Variants in MAPT observed in about 807,000 individuals in gnomAD.
The protein encoded by MAPT is microtubule-associated protein tau.
Under a neutral mutation model 67.9 loss-of-function variants are expected in MAPT, and 34 were observed. The ratio of observed to expected loss-of-function variants is 0.50; its 90% confidence interval spans 0.38 to 0.67. MAPT has a LOEUF of 0.67. MAPT is among the 30% of genes least tolerant of loss of function. The pLI, the probability that MAPT is intolerant of heterozygous loss-of-function variation, is 0.00. For synonymous variants in MAPT, 456 were observed against 464.5 expected, an observed-to-expected ratio of 0.98 and a Z score of 0.23; for missense variants, 881 against 1,115.2, an observed-to-expected ratio of 0.79 and a Z score of 2.99.
At chr17:45,975,161 C>T (rs1338344430) in intron 3 of MAPT, 2 of 152,304 alleles carry the variant, frequency 1.3e-5, no homozygotes, top group African/African-American at 4.8e-5. Flanking sequence ...GAGTCATTTC[C>T]TTCATGTCTT....
At position 45,989,782 on chromosome 17, in the gene MAPT, T is replaced by C. The variant is rs1420020837; in HGVS notation, c.1408-96T>C. The C allele has an allele frequency of 7.3e-6, 8 of 1,101,926 alleles. No individual in the cohort carries two copies. In the Admixed American group the frequency reaches 1.2e-4, roughly 16 times the overall value. The allele number at this position is 1,101,926 out of a possible 1,614,324, so 68.3% of individuals were successfully genotyped here. On this transcript the variant is annotated intron_variant, in intron 6 of 12. Coordinates refer to ENST00000262410, the MANE Select transcript of MAPT (RefSeq NM_001377265.1). ...GAGATCACTGCTTTCAACCATTACCTGCCTTATTTATTTTTAGTTACTGTC... is the reference window on the plus strand; with the variant it reads ...GAGATCACTGCTTTCAACCATTACCCGCCTTATTTATTTTTAGTTACTGTC...
chr17:46,015,900 G>A (rs1056390896), intron 11 of MAPT, among the ~76,000 whole-genome samples: 1 of 152,072 alleles, frequency 6.6e-6, no homozygotes, highest in Non-Finnish European at 1.5e-5. Flanking sequence ...AGAGGGAGGC[G>A]AGATGCTGGC....
intron 1 of MAPT, among the ~76,000 whole-genome samples, chr17:45,902,837 T>C (rs992936048): frequency 2.6e-5 from 4 of 152,206 alleles, no homozygotes; most frequent in Admixed American, 1.3e-4. Flanking sequence ...TTGATAATAA[T>C]GTTTCATTCA....
intron 10 of MAPT, among the ~76,000 whole-genome samples, chr17:46,011,170 G>T (rs2075796150): frequency 6.6e-6 from 1 of 152,204 alleles, no homozygotes; most frequent in Non-Finnish European, 1.5e-5. Flanking sequence ...ACTAAGGCGG[G>T]AGGTTCGCTT....
intron 1 of MAPT, among the ~76,000 whole-genome samples, chr17:45,923,568 T>C (rs1261117434): frequency 1.3e-5 from 2 of 152,224 alleles, no homozygotes; most frequent in Non-Finnish European, 2.9e-5. Context: ...TTAATGTCTT[T>C]CTCCACCTCA....
intron 1 of MAPT, among the ~76,000 whole-genome samples, chr17:45,909,278 C>T (rs539129750): frequency 6.6e-6 from 1 of 152,262 alleles, no homozygotes; most frequent in East Asian, 1.9e-4. Context: ...CCCCATGTCA[C>T]GGGGACTCCA....
chr17:45,984,063 C>A, intron 5 of MAPT, 133 bp downstream of exon 5: 1 of 768,402 alleles, frequency 1.3e-6, no homozygotes, highest in Non-Finnish European at 2.1e-6. Flanking sequence ...ACTAAATCGA[C>A]ACCTGGGTGC....
At chr17:45,907,017 T>C (rs1288433024) in intron 1 of MAPT, among the ~76,000 whole-genome samples, 1 of 152,204 alleles carries the variant, frequency 6.6e-6, no homozygotes, top group East Asian at 1.9e-4. Context: ...CCGTTTTGCA[T>C]GCCATTGCCA....
chr17:45,926,592 C>G (rs1406326900), intron 1 of MAPT, among the ~76,000 whole-genome samples: 1 of 152,170 alleles, frequency 6.6e-6, no homozygotes, highest in Admixed American at 6.5e-5. Flanking sequence ...GGGTTACCAG[C>G]ATGAGCCACT....
At chr17:45,999,310 A>AT (rs1297469130) in intron 9 of MAPT, 10 of 1,613,460 alleles carry the variant, frequency 6.2e-6, no homozygotes, top group Non-Finnish European at 8.5e-6. Flanking sequence ...AGTCTCATGC[A>AT]TTTTTGCAGC....
intron 9 of MAPT, among the ~76,000 whole-genome samples, chr17:45,998,713 G>A (rs73317015): frequency 6.6e-6 from 1 of 152,248 alleles, no homozygotes; most frequent in African/African-American, 2.4e-5. Context: ...CCTCTGTCCT[G>A]TACCGCAGCT....
intron 1 of MAPT, among the ~76,000 whole-genome samples, chr17:45,944,018 C>T (rs1030319986): frequency 6.6e-6 from 1 of 152,182 alleles, no homozygotes; most frequent in African/African-American, 2.4e-5. Flanking sequence ...CCCTTAGGTC[C>T]AGCCTCCTCT....
intron 1 of MAPT, among the ~76,000 whole-genome samples, chr17:45,951,249 G>A (rs750011890): frequency 2.0e-5 from 3 of 152,274 alleles, no homozygotes; most frequent in Non-Finnish European, 2.9e-5. Context: ...CTTTCTTCTG[G>A]GTTTGGTGAG....
chr17:46,013,896 C>T (rs1350781752), intron 10 of MAPT, among the ~76,000 whole-genome samples: 1 of 152,180 alleles, frequency 6.6e-6, no homozygotes, highest in Non-Finnish European at 1.5e-5. Flanking sequence ...GACATTTTTA[C>T]ACTTAAGCGT....
At chr17:45,967,175 AGTT>A in intron 2 of MAPT, among the ~76,000 whole-genome samples, 1 of 152,354 alleles carries the variant, frequency 6.6e-6, no homozygotes, top group East Asian at 1.9e-4. Flanking sequence ...AGTAGATGAA[AGTT>A]GGTTACCTAT....
intron 3 of MAPT, chr17:45,974,126 G>A (rs568166274): frequency 3.6e-6 from 2 of 552,016 alleles, no homozygotes; most frequent in South Asian, 4.1e-5. Context: ...TTTCACTGCA[G>A]CGTTTACACA....
intron 1 of MAPT, among the ~76,000 whole-genome samples, chr17:45,921,738 G>A (rs1212950363): frequency 6.6e-6 from 1 of 152,120 alleles, no homozygotes; most frequent in Non-Finnish European, 1.5e-5. Context: ...ATGTTCGTAG[G>A]CTGTTTGTCT....
intron 2 of MAPT, among the ~76,000 whole-genome samples, chr17:45,970,044 C>A (rs1352837242): frequency 2.0e-5 from 3 of 149,626 alleles, no homozygotes; most frequent in Non-Finnish European, 4.5e-5. Context: ...ATTCATCTAT[C>A]CACCCATCCA....
At chr17:45,926,369 C>T (rs933503274) in intron 1 of MAPT, among the ~76,000 whole-genome samples, 6 of 152,092 alleles carry the variant, frequency 3.9e-5, no homozygotes, top group Admixed American at 1.3e-4. Context: ...AGTACAGTGG[C>T]GTGATCATGG....
Sources: gnomAD v4.1 joint callset for allele counts (sites outside exome capture counted in the v4.1 genomes callset) on GRCh38, gnomAD v4.1.1 for gene constraint, MANE v1.5 for transcripts, NCBI Gene and HGNC (gene_info 2026-07-23, HGNC 2026-07-21) for gene names.